NRDC: variants seen among roughly 807,000 people sequenced by gnomAD.
NRDC encodes nardilysin convertase.
A neutral mutation model predicts 147.1 loss-of-function variants in NRDC; 54 were observed. That is an observed-to-expected ratio of 0.37 (90% confidence interval 0.29 to 0.46). NRDC has a LOEUF of 0.46. NRDC is among the 20% of genes least tolerant of loss of function. The probability of loss-of-function intolerance (pLI) is 1.00; values close to 1 mark genes in which losing one functional copy is unlikely to be tolerated. For missense variants in NRDC, 1,082 were observed against 1,370.6 expected, an observed-to-expected ratio of 0.79 and a Z score of 3.33; for synonymous variants, 440 against 482.1, an observed-to-expected ratio of 0.91 and a Z score of 1.14.
At chr1:51,823,831 T>C (rs754639006) in intron 6 of NRDC, 45 bp from the exon 7 acceptor site, 1 of 1,424,236 alleles carries the variant, frequency 7.0e-7, no homozygotes, top group Non-Finnish European at 9.7e-7. Context: ...AAGTTAACTT[T>C]GTTAAAAGTC....
At chr1:51,860,523 A>C (rs1337001410) in intron 1 of NRDC, among the ~76,000 whole-genome samples, 1 of 152,196 alleles carries the variant, frequency 6.6e-6, no homozygotes, top group Non-Finnish European at 1.5e-5. Context: ...CCTTCTGGCC[A>C]CTACAGCTAG....
intron 1 of NRDC, among the ~76,000 whole-genome samples, chr1:51,846,855 T>A (rs1398283720): frequency 2.0e-5 from 3 of 152,212 alleles, no homozygotes; most frequent in Non-Finnish European, 4.4e-5. Context: ...AGCTGATTGG[T>A]CCATTTTGAC....
At chr1:51,876,435 TGAA>T (rs1349089793) in intron 1 of NRDC, among the ~76,000 whole-genome samples, 1 of 152,226 alleles carries the variant, frequency 6.6e-6, no homozygotes, top group Non-Finnish European at 1.5e-5. Context: ...ACACATAACC[TGAA>T]GATAATTTTA....
intron 4 of NRDC, among the ~76,000 whole-genome samples, chr1:51,833,061 T>C (rs933898242): frequency 3.3e-5 from 5 of 152,240 alleles, no homozygotes; most frequent in Admixed American, 6.5e-5. Flanking sequence ...AAAATATAGA[T>C]GGGTCTATAC....
intron 22 of NRDC, among the ~76,000 whole-genome samples, chr1:51,795,945 A>G (rs1053875528): frequency 2.7e-5 from 4 of 150,710 alleles, no homozygotes; most frequent in Non-Finnish European, 4.4e-5. Flanking sequence ...CAGTGGCATG[A>G]CCTCAGCTCA....
Position 51,825,289 on chromosome 1 carries a change from C to A in NRDC, c.1034G>T (p.Trp345Leu). The A allele has an allele frequency of 6.3e-7, 1 of 1,587,926 alleles. No individual in the cohort carries two copies. Among genetic ancestry groups the A allele is most frequent in the Non-Finnish European group, 8.6e-7 (1 of 1,165,968 alleles). The change falls in exon 6 of 31, where the codon TGG becomes TTG. Residue 345 changes from tryptophan (W) to leucine (L), a missense_variant and splice_region_variant. Physicochemically the swap from Trp to Leu is moderately conservative, Grantham distance 61 (BLOSUM62 -2). Transcript: ENST00000352171. Reference sequence around the variant, plus strand: ...AGATGATGTATTTAGTATCTTACCCCAAAAAAATTTTCCCATAGGATGTCC... The same window carrying A: ...AGATGATGTATTTAGTATCTTACCCAAAAAAAATTTTCCCATAGGATGTCC... ...RPGHPMGKFF[W>L]GNAETLKHEP...
chr1:51,878,451 C>T lies in NRDC; in HGVS notation c.165G>A (p.Lys55=). The T allele has an allele frequency of 6.2e-7, 1 of 1,614,124 alleles. No homozygotes were observed. Among genetic ancestry groups the T allele is most frequent in the Non-Finnish European group, 8.5e-7 (1 of 1,180,040 alleles). Residue 55 remains lysine, a synonymous_variant, in exon 1 of 31, where the codon AAG becomes AAA. Coordinates refer to ENST00000352171, the MANE Select transcript of NRDC (RefSeq NM_001101662.2). ...CAGGGCAGCTGCAGGTAGACTTCGC[C>T]TTGTTCCTTCCAGGCATGGCCAGAA... ...FPILAMPGRN[K]AKSTCSCPDL...
chr1:51,846,932 T>G (rs1482846862), intron 1 of NRDC, among the ~76,000 whole-genome samples: 1 of 152,134 alleles, frequency 6.6e-6, no homozygotes, highest in Non-Finnish European at 1.5e-5. Context: ...CCCCACTAGA[T>G]TAGCTAGATA....
At chr1:51,860,025 G>T in intron 1 of NRDC, 1 of 203,590 alleles carries the variant, frequency 4.9e-6, no homozygotes, top group South Asian at 9.3e-5. Context: ...ATTGTAAGGT[G>T]ATCCAGATTT....
rs919561607 is a variant in NRDC, at chr1:51,800,458, T to G, written c.2441+98A>C. ...AGCACGATTCAAACACGGATGAAAA[T>G]TAGCACTGCAACTATAGCCTTAACC... On this transcript the variant is annotated intron_variant, in intron 21 of 30. Transcript: ENST00000352171. 2.1e-5 allele frequency: 28 copies of G among 1,325,176 alleles called. No individual in the cohort carries two copies. The African/African-American group carries it at 3.5e-4, about 17-fold the overall frequency. The allele number at this position is 1,325,176 out of a possible 1,614,324, so 82.1% of individuals were successfully genotyped here. A position where few individuals can be genotyped will look rare whatever the true frequency, so the allele number is the denominator to read the frequency against.
At chr1:51,829,820 A>T (rs1680621214) in intron 4 of NRDC, among the ~76,000 whole-genome samples, 5 of 151,834 alleles carry the variant, frequency 3.3e-5, no homozygotes. Context: ...CTTCAACTCT[A>T]TTTACTCTTA....
intron 1 of NRDC, among the ~76,000 whole-genome samples, chr1:51,874,114 G>A (rs139707201): frequency 0.012 from 1,732 of 146,746 alleles, 10 homozygotes; most frequent in Non-Finnish European, 0.018. Flanking sequence ...GCGATGAATT[G>A]AAATCCTGTC....
intron 2 of NRDC, chr1:51,836,484 C>T (rs1379038568): frequency 6.7e-7 from 1 of 1,489,414 alleles, no homozygotes. Context: ...GGAAGAGGGA[C>T]TGGACAGCCC....
chr1:51,847,877 A>G (rs1451314152), intron 1 of NRDC, among the ~76,000 whole-genome samples: 1 of 152,250 alleles, frequency 6.6e-6, no homozygotes, highest in Non-Finnish European at 1.5e-5. Context: ...GAGGCCGAGG[A>G]GGCGCCAAGA....
chr1:51,808,384 C>T (rs1198494613), intron 17 of NRDC, among the ~76,000 whole-genome samples: 1 of 152,190 alleles, frequency 6.6e-6, no homozygotes, highest in Non-Finnish European at 1.5e-5. Flanking sequence ...TATACATGGA[C>T]TTATCTGTGA....
chr1:51,819,245 C>T (rs1680107055), intron 9 of NRDC, among the ~76,000 whole-genome samples: 1 of 151,252 alleles, frequency 6.6e-6, no homozygotes, highest in Non-Finnish European at 1.5e-5. Context: ...AAGCAGTGAG[C>T]TGAGATCATG....
chr1:51,814,468 G>A (rs1424344294), intron 13 of NRDC, 83 bp downstream of exon 13: 2 of 1,349,418 alleles, frequency 1.5e-6, no homozygotes, highest in East Asian at 4.6e-5. Context: ...ATCAAGGCAA[G>A]ACTAAAGCAT....
At chr1:51,871,663 G>T (rs1683092737) in intron 1 of NRDC, among the ~76,000 whole-genome samples, 1 of 151,428 alleles carries the variant, frequency 6.6e-6, no homozygotes. Flanking sequence ...CTTGCTAAAG[G>T]TCACATAACC....
intron 1 of NRDC, among the ~76,000 whole-genome samples, chr1:51,870,628 T>G (rs551103358): frequency 2.0e-4 from 30 of 152,270 alleles, no homozygotes; most frequent in Middle Eastern, 3.4e-3. Context: ...TTTCAAGTTT[T>G]CACTGCCTGC....
Sources: allele counts gnomAD v4.1 joint callset (sites outside exome capture counted in the v4.1 genomes callset), GRCh38; gene constraint gnomAD v4.1.1; transcripts MANE v1.5; gene names NCBI Gene and HGNC (gene_info 2026-07-23, HGNC 2026-07-21).